The following AKR1C2 variants were observed in gnomAD, a reference collection of about 807,000 sequenced individuals.
AKR1C2 encodes aldo-keto reductase family 1 member C2.
Under a neutral mutation model 39.8 loss-of-function variants are expected in AKR1C2, and 27 were observed. That is an observed-to-expected ratio of 0.68 (90% CI 0.50 to 0.93). AKR1C2 has a LOEUF of 0.93. Among genes scored for constraint, AKR1C2 ranks in the 40% least tolerant of loss-of-function variants. The pLI, the probability that AKR1C2 is intolerant of heterozygous loss-of-function variation, is 0.00. For missense variants in AKR1C2, 263 were observed against 365.1 expected (o/e 0.72, Z 2.28); for synonymous variants, 114 against 137.9 (o/e 0.83, Z 1.22).
chr10:5,009,663 C>A (rs1173200672), intron 1 of AKR1C2, among the ~76,000 whole-genome samples: 2 of 152,010 alleles, frequency 1.3e-5, no homozygotes, highest in African/African-American at 4.8e-5. Flanking sequence ...TGAGAACAGG[C>A]ATTTCTGTTT....
At position 4,989,788 on chromosome 10, in the gene AKR1C2, T is replaced by C; in HGVS notation, c.*208A>G. The C allele has an allele frequency of 2.9e-6, 2 of 689,528 alleles. No homozygotes were observed. The highest frequency in any genetic ancestry group is 4.2e-5 in the South Asian group (2 of 47,518). The allele number at this position is 689,528 out of a possible 1,614,324, so 42.7% of individuals were successfully genotyped here. A position where few individuals can be genotyped will look rare whatever the true frequency, so the allele number is the denominator to read the frequency against. On this transcript the variant is annotated 3_prime_UTR_variant, in exon 9 of 9. Transcript: ENST00000380753. ...GAGACCAAAGTAGGTGAAGAATCTT[T>C]AGGAGAGAGCATTTAATTTTTTCAA...
chr10:4,995,972 T>C, intron 5 of AKR1C2, 107 bp from the exon 6 acceptor site: 15 of 1,292,924 alleles, frequency 1.2e-5, no homozygotes, highest in Non-Finnish European at 1.5e-5. Flanking sequence ...AAATTTGAAC[T>C]GAGAATATTA....
intron 3 of AKR1C2, 146 bp downstream of exon 3, chr10:5,000,404 A>G: frequency 6.4e-7 from 1 of 1,567,774 alleles, no homozygotes. Flanking sequence ...GTTCCATAGA[A>G]AGGAATTAGG....
upstream of AKR1C2, among the ~76,000 whole-genome samples, chr10:5,005,789 T>A (rs1461815277): frequency 1.3e-5 from 2 of 152,248 alleles, no homozygotes; most frequent in East Asian, 3.9e-4. Context: ...GCATTAGAAT[T>A]AGTAGAGAAG....
intron 1 of AKR1C2, among the ~76,000 whole-genome samples, chr10:5,009,482 G>A (rs7087112): frequency 6.6e-6 from 1 of 151,384 alleles, no homozygotes; most frequent in Non-Finnish European, 1.5e-5. Context: ...AAAGAGAAAA[G>A]TATTAATATT....
chr10:4,994,924 G>A (rs1368768664), intron 7 of AKR1C2, among the ~76,000 whole-genome samples: 6 of 139,352 alleles, frequency 4.3e-5, no homozygotes, highest in South Asian at 4.8e-4. Flanking sequence ...CAAGCACTTC[G>A]CAAAGATAAA....
intron 3 of AKR1C2, chr10:5,000,162 A>G: frequency 7.5e-7 from 1 of 1,341,038 alleles, no homozygotes; most frequent in Non-Finnish European, 9.5e-7. Context: ...AAGAAGATGG[A>G]AACTCATTGT....
chr10:4,990,140 G>A (rs1564325059), intron 8 of AKR1C2, 102 bp from the exon 9 acceptor site: 1 of 1,377,194 alleles, frequency 7.3e-7, no homozygotes, highest in Non-Finnish European at 1.0e-6. Context: ...TAGATGTTAA[G>A]AAGTTCATTT....
upstream of AKR1C2, among the ~76,000 whole-genome samples, chr10:5,008,618 A>G (rs1554774636): frequency 1.3e-5 from 2 of 152,208 alleles, no homozygotes; most frequent in South Asian, 4.1e-4. Flanking sequence ...GGAGAGGGAG[A>G]GGAATATGAG....
Position 4,995,481 on chromosome 10 carries a change from C to T in AKR1C2, c.684G>A (p.Val228=). ...CCAAGAGCACCGGGGAGTTCGGGTC[C>T]ACCCTGGAAGGAAAGGCAGAAAGGC... ...ALGSHREEPW[V]DPNSPVLLED... Residue 228 remains valine, a synonymous_variant, in exon 7 of 9, where the codon GTG becomes GTA. Coordinates refer to ENST00000380753, the MANE Select transcript of AKR1C2 (RefSeq NM_001393392.1). The T allele has an allele frequency of 6.6e-7, 1 of 1,518,866 alleles. No homozygotes were observed. Among genetic ancestry groups the T allele is most frequent in the Non-Finnish European group, 8.8e-7 (1 of 1,138,658 alleles). 94.1% of individuals were successfully genotyped at this position (1,518,866 alleles called of 1,614,324 possible). A position where few individuals can be genotyped will look rare whatever the true frequency, so the allele number is the denominator to read the frequency against.
intron 1 of AKR1C2, chr10:5,015,725 C>T (rs1165216488): frequency 6.6e-6 from 1 of 152,172 alleles, no homozygotes; most frequent in African/African-American, 2.4e-5. Context: ...AATAGTGAAA[C>T]TTTGCTCTGA....
At chr10:4,993,921 A>G (rs573213922) in intron 7 of AKR1C2, among the ~76,000 whole-genome samples, 1 of 151,536 alleles carries the variant, frequency 6.6e-6, no homozygotes, top group Non-Finnish European at 1.5e-5. Context: ...TGTTTTGTGA[A>G]TTCTCTAATG....
At chr10:4,998,951 G>A (rs528392015) in intron 4 of AKR1C2, among the ~76,000 whole-genome samples, 1 of 152,262 alleles carries the variant, frequency 6.6e-6, no homozygotes, top group Admixed American at 6.5e-5. Flanking sequence ...TCCTCCTTAG[G>A]AAAGTGGAGA....
At chr10:4,994,508 T>C (rs574056867) in intron 7 of AKR1C2, among the ~76,000 whole-genome samples, 1,875 of 152,256 alleles carry the variant, frequency 0.012, 33 homozygotes, top group African/African-American at 0.043. Context: ...CAATGGTTGG[T>C]GTCTCTGAGC....
Position 4,999,281 on chromosome 10 carries a change from A to C in AKR1C2, c.370-4T>G. On this transcript the variant is annotated splice_region_variant and splice_polypyrimidine_tract_variant and intron_variant, in intron 3 of 8. Transcript: ENST00000380753. ...TTGGGATCACTTCCTCACCTGGCTG[A>C]AGTAGAAGCAGTCAGTTTAGTGATG... 1 of 1,592,832 alleles carries C rather than the reference A, an allele frequency of 6.3e-7. No individual in the cohort carries two copies. Among genetic ancestry groups the C allele is most frequent in the Non-Finnish European group, 8.6e-7 (1 of 1,169,584 alleles).
chr10:5,014,998 A>G (rs1837608853), intron 1 of AKR1C2: 1 of 152,240 alleles, frequency 6.6e-6, no homozygotes, highest in South Asian at 2.1e-4. Context: ...TACCTCCAAG[A>G]GAGTCACTAT....
chr10:5,016,911 A>G (rs1184732645), intron 1 of AKR1C2, among the ~76,000 whole-genome samples: 2 of 152,230 alleles, frequency 1.3e-5, no homozygotes, highest in Non-Finnish European at 1.5e-5. Flanking sequence ...ACTACATGGA[A>G]GTCACCACAC....
At chr10:5,015,237 A>G (rs1355824187) in intron 1 of AKR1C2, 2 of 152,232 alleles carry the variant, frequency 1.3e-5, no homozygotes, top group African/African-American at 2.4e-5. Context: ...GACATTACCT[A>G]TGGTGCACAT....
At chr10:5,015,454 AG>A (rs1171508966) in intron 1 of AKR1C2, among the ~76,000 whole-genome samples, 1 of 152,168 alleles carries the variant, frequency 6.6e-6, no homozygotes, top group Non-Finnish European at 1.5e-5. Context: ...TTCTACCTGT[AG>A]TAGCATAAAT....
Sources: allele counts gnomAD v4.1 joint callset (sites outside exome capture counted in the v4.1 genomes callset), GRCh38; gene constraint gnomAD v4.1.1; transcripts MANE v1.5; gene names NCBI Gene and HGNC (gene_info 2026-07-23, HGNC 2026-07-21).